ADK: variants seen among roughly 807,000 people sequenced by gnomAD.
The protein encoded by ADK is adenosine kinase.
ADK carries 24 observed loss-of-function variants against 44.7 expected under a neutral mutation model. The observed-to-expected ratio is 0.54, with a 90% CI of 0.39 to 0.76. ADK has a LOEUF of 0.76. Ranked by LOEUF, ADK falls within the 30% of genes least tolerant of loss-of-function variation. The pLI, the probability that ADK is intolerant of heterozygous loss-of-function variation, is 0.00. For missense variants in ADK, 321 were observed against 425.1 expected, an observed-to-expected ratio of 0.76 and a Z score of 2.15; for synonymous variants, 128 against 142.6, an observed-to-expected ratio of 0.90 and a Z score of 0.73.
chr10:74,677,138 C>T (rs542388731), intron 10 of ADK, among the ~76,000 whole-genome samples: 10 of 152,030 alleles, frequency 6.6e-5, no homozygotes, highest in African/African-American at 1.2e-4. Flanking sequence ...CCAGCTACTC[C>T]GGAGGCTGAG....
At chr10:74,560,217 C>A (rs1483759257) in intron 7 of ADK, among the ~76,000 whole-genome samples, 1 of 152,200 alleles carries the variant, frequency 6.6e-6, no homozygotes, top group Admixed American at 6.5e-5. Flanking sequence ...CCATACCCAG[C>A]CTGTCTGTTG....
At chr10:74,427,433 T>C (rs902376660) in intron 6 of ADK, among the ~76,000 whole-genome samples, 1 of 152,116 alleles carries the variant, frequency 6.6e-6, no homozygotes, top group African/African-American at 2.4e-5. Context: ...CTCTTGACCT[T>C]GTGATCCACC....
At position 74,208,001 on chromosome 10, in the gene ADK, G is replaced by A. The variant is rs1591854995; in HGVS notation, c.140+7163G>A. On this transcript the variant is annotated intron_variant, in intron 2 of 10. Transcript: ENST00000539909. ...TCTCTGCACCTAAAGTCCAGAGGGG[G>A]CTGAGGGGGCAGGGGGCTGGTATGT... is the stretch of plus-strand genomic sequence containing the variant. Among the ~76,000 whole-genome samples the A allele has an allele frequency of 2.0e-5, 3 of 152,080 alleles. No individual in the cohort carries two copies. In the East Asian group the frequency reaches 5.8e-4, roughly 29 times the overall value.
At chr10:74,695,496 G>A (rs12249241) in intron 10 of ADK, among the ~76,000 whole-genome samples, 1 of 143,168 alleles carries the variant, frequency 7.0e-6, no homozygotes. Context: ...GTGTGTGTGT[G>A]TATGTGTGTA....
At chr10:74,301,821 G>T (rs1225988244) in intron 3 of ADK, among the ~76,000 whole-genome samples, 8 of 151,940 alleles carry the variant, frequency 5.3e-5, no homozygotes, top group Non-Finnish European at 2.9e-5. Context: ...TATGCATTGG[G>T]TTGAGTATCC....
At chr10:74,367,994 T>C (rs1220960178) in intron 4 of ADK, among the ~76,000 whole-genome samples, 1 of 152,180 alleles carries the variant, frequency 6.6e-6, no homozygotes, top group Non-Finnish European at 1.5e-5. Context: ...TAATTATATA[T>C]AGATGTAAAT....
chr10:74,289,769 G>A (rs1336169909), intron 3 of ADK, among the ~76,000 whole-genome samples: 1 of 150,964 alleles, frequency 6.6e-6, no homozygotes, highest in Non-Finnish European at 1.5e-5. Flanking sequence ...TTTCTGAAGA[G>A]TTGGCTCTGA....
At chr10:74,204,544 C>T (rs372455639) in intron 2 of ADK, among the ~76,000 whole-genome samples, 14 of 152,038 alleles carry the variant, frequency 9.2e-5, no homozygotes, top group African/African-American at 2.4e-4. Flanking sequence ...ATTTGACTTA[C>T]GGTAATATAA....
At chr10:74,395,169 T>C (rs1374133406) in intron 5 of ADK, among the ~76,000 whole-genome samples, 5 of 152,218 alleles carry the variant, frequency 3.3e-5, no homozygotes, top group African/African-American at 1.2e-4. Flanking sequence ...GTTGGAAATA[T>C]GTAGTCTGTC....
chr10:74,235,760 A>G (rs1297995823), intron 3 of ADK, among the ~76,000 whole-genome samples: 6 of 152,194 alleles, frequency 3.9e-5, no homozygotes, highest in Non-Finnish European at 5.9e-5. Context: ...CTCCAAAACT[A>G]ATGTTGAAAT....
intron 6 of ADK, among the ~76,000 whole-genome samples, chr10:74,426,778 A>G (rs1038006073): frequency 6.6e-6 from 1 of 151,634 alleles, no homozygotes; most frequent in Non-Finnish European, 1.5e-5. Flanking sequence ...AGTGAACTTA[A>G]TTCATTTTTT....
intron 4 of ADK, chr10:74,344,557 A>C (rs1472663114): frequency 1.2e-5 from 3 of 246,726 alleles, no homozygotes; most frequent in Admixed American, 8.1e-5. Context: ...TGGTTGGCCA[A>C]GTAGTCCTGC....
intron 3 of ADK, among the ~76,000 whole-genome samples, chr10:74,278,644 T>A (rs1264836103): frequency 6.6e-6 from 1 of 152,174 alleles, no homozygotes; most frequent in African/African-American, 2.4e-5. Context: ...CAATATGTCC[T>A]TTTTCCTTCT....
At chr10:74,167,776 G>C (rs1322340280) in intron 1 of ADK, among the ~76,000 whole-genome samples, 1 of 152,180 alleles carries the variant, frequency 6.6e-6, no homozygotes. Flanking sequence ...TTGTCTCTAA[G>C]ATATTGTTCC....
At chr10:74,618,114 T>C (rs1229174966) in intron 9 of ADK, among the ~76,000 whole-genome samples, 2 of 152,142 alleles carry the variant, frequency 1.3e-5, no homozygotes, top group Non-Finnish European at 2.9e-5. Context: ...ATGACTTTTG[T>C]TGTTTTTTAA....
chr10:74,494,509 G>C (rs1280065509), intron 6 of ADK, among the ~76,000 whole-genome samples: 1 of 151,840 alleles, frequency 6.6e-6, no homozygotes, highest in Non-Finnish European at 1.5e-5. Context: ...TGTTTCCTTA[G>C]GTTTCTTTAT....
chr10:74,275,794 C>G (rs1414486422), intron 3 of ADK, among the ~76,000 whole-genome samples: 1 of 152,102 alleles, frequency 6.6e-6, no homozygotes, highest in Non-Finnish European at 1.5e-5. Context: ...GTGCGGACCA[C>G]TATGCCTGGG....
chr10:74,550,148 G>T (rs1849980608), intron 7 of ADK, among the ~76,000 whole-genome samples: 1 of 149,068 alleles, frequency 6.7e-6, no homozygotes, highest in African/African-American at 2.5e-5. Flanking sequence ...TTGGCTCACT[G>T]CAACCTCTGC....
chr10:74,273,430 C>T (rs573289383), intron 3 of ADK, among the ~76,000 whole-genome samples: 13 of 151,800 alleles, frequency 8.6e-5, no homozygotes, highest in African/African-American at 1.7e-4. Context: ...CTGCCCAATT[C>T]GGCTTTCTTC....
Sources: allele counts gnomAD v4.1 joint callset (sites outside exome capture counted in the v4.1 genomes callset), GRCh38; gene constraint gnomAD v4.1.1; transcripts MANE v1.5; gene names NCBI Gene and HGNC (gene_info 2026-07-23, HGNC 2026-07-21).